ATP2A1: variants seen among roughly 807,000 people sequenced by gnomAD.
ATP2A1 encodes ATPase sarcoplasmic/endoplasmic reticulum Ca2+ transporting 1.
In ATP2A1, 83 loss-of-function variants were observed where a neutral mutation model predicts 109.5. The observed-to-expected ratio is 0.76, with a 90% CI of 0.63 to 0.91. The LOEUF (loss-of-function observed/expected upper bound fraction) is 0.91, where lower values mean the gene tolerates loss of function less well. Among genes scored for constraint, ATP2A1 ranks in the 40% least tolerant of loss-of-function variants. The pLI, the probability that ATP2A1 is intolerant of heterozygous loss-of-function variation, is 0.00. For synonymous variants in ATP2A1, 505 were observed against 537.6 expected (o/e 0.94, Z 0.84); for missense variants, 1,101 against 1,341.0 (o/e 0.82, Z 2.80).
intron 9 of ATP2A1, among the ~76,000 whole-genome samples, chr16:28,891,321 G>A (rs988656899): frequency 1.4e-4 from 21 of 149,920 alleles, no homozygotes; most frequent in South Asian, 1.1e-3. Context: ...AAGACCTGAC[G>A]CAGTGGCTCA....
rs2152196860 is a variant in ATP2A1 at position 28,879,562 on chromosome 16, C to G, written c.198C>G (p.Leu66=). 1 of 1,614,178 alleles carries G rather than the reference C, an allele frequency of 6.2e-7. No individual in the cohort carries two copies. Among genetic ancestry groups the G allele is most frequent in the Non-Finnish European group, 8.5e-7 (1 of 1,180,008 alleles). The change falls in exon 3 of 23, where the codon CTC becomes CTG. Residue 66 remains leucine (L), a synonymous_variant. Transcript: ENST00000395503. ...AAGACCTCCTGGTGCGGATTCTCCTCCTGGCCGCATGCATTTCCTTCGTAA... is the reference window on the plus strand; with the variant it reads ...AAGACCTCCTGGTGCGGATTCTCCTGCTGGCCGCATGCATTTCCTTCGTAA... The part of the protein sequence containing the change: ...QFEDLLVRIL[L]LAACISFVLA...
rs1963686396 is a variant in ATP2A1 at position 28,888,709 on chromosome 16, GCTA to G, written c.929-74_929-72del. 10 of 1,528,330 alleles carry G rather than the reference GCTA, an allele frequency of 6.5e-6. No individual in the cohort carries two copies. In the South Asian group the frequency reaches 8.3e-5, roughly 13 times the overall value. The allele number at this position is 1,528,330 out of a possible 1,614,324, so 94.7% of individuals were successfully genotyped here. A position where few individuals can be genotyped will look rare whatever the true frequency, so the allele number is the denominator to read the frequency against. On this transcript the variant is annotated intron_variant, in intron 8 of 22. Coordinates refer to ENST00000395503, the MANE Select transcript of ATP2A1 (RefSeq NM_004320.6). ...TGTGCACCAACGTGCCCAGCTGGGGGCTACTATTTAGCCCCTTGCAGGTTCCCT... is the reference window on the plus strand; with the variant it reads ...TGTGCACCAACGTGCCCAGCTGGGGGCTATTTAGCCCCTTGCAGGTTCCCT...
chr16:28,887,893 C>T (rs112292879), intron 8 of ATP2A1, among the ~76,000 whole-genome samples, 171 bp downstream of exon 8: 19 of 152,162 alleles, frequency 1.2e-4, no homozygotes, highest in Non-Finnish European at 1.6e-4. Flanking sequence ...CTCCGCCTCG[C>T]GGGTTCACGC....
At chr16:28,897,853 C>A in intron 12 of ATP2A1, 147 bp from the exon 13 acceptor site, 1 of 1,072,342 alleles carries the variant, frequency 9.3e-7, no homozygotes, top group African/African-American at 1.6e-5. Flanking sequence ...AGCACTGTGG[C>A]AACACTAGCC....
chr16:28,903,749 C>G lies in ATP2A1; in HGVS notation c.*37+8C>G. On this transcript the variant is annotated splice_region_variant and intron_variant, in intron 22 of 22. Coordinates refer to ENST00000395503, the MANE Select transcript of ATP2A1 (RefSeq NM_004320.6). The surrounding 1 kb of genome is among the most constrained non-coding windows in gnomAD (Gnocchi z 5.6). ...TCTGAGCCCGTGTCACAGGTATCAC[C>G]CCCTTCTTGCCCTCAGCCCAGCTGC... 6.2e-7 allele frequency: 1 copy of G among 1,612,890 alleles called. No homozygotes were observed. The highest frequency in any genetic ancestry group is 8.5e-7 in the Non-Finnish European group (1 of 1,178,928).
rs1963447027 is a variant in ATP2A1 at position 28,880,775 on chromosome 16, A to G, written c.220-140A>G. On this transcript the variant is annotated intron_variant, in intron 3 of 22. Coordinates refer to ENST00000395503, the MANE Select transcript of ATP2A1 (RefSeq NM_004320.6). The surrounding 1 kb of genome is among the most constrained non-coding windows in gnomAD (Gnocchi z 4.2). ...CAGACCCTCAGACGGATGTGGGGCC[A>G]CAGCGCCCCGACGGTGCCCGGCCCT... 8.7e-6 allele frequency: 7 copies of G among 800,686 alleles called. No individual in the cohort carries two copies. Among genetic ancestry groups the G allele is most frequent in the Non-Finnish European group, 1.5e-5 (7 of 463,610 alleles). 49.6% of individuals were successfully genotyped at this position (800,686 alleles called of 1,614,324 possible).
In ATP2A1 at chr16:28,880,975, A is replaced by C; in HGVS notation, c.280A>C (p.Ile94Leu). Residue 94 changes from isoleucine to leucine, a missense_variant, in exon 4 of 23, where the codon ATC (isoleucine) becomes CTC (leucine). Transcript: ENST00000395503. This position sits in a 1 kb window ranked among gnomAD's most constrained non-coding sequence, Gnocchi z 4.2. ...CACTGCCTTTGTTGAACCCTTTGTC[A>C]TCCTCTTGATCCTCATTGCCAATGC... is the stretch of plus-strand genomic sequence containing the variant. ...TITAFVEPFV[I>L]LLILIANAIV... 6.2e-7 allele frequency: 1 copy of C among 1,614,128 alleles called. No individual in the cohort carries two copies. Among genetic ancestry groups the C allele is most frequent in the Non-Finnish European group, 8.5e-7 (1 of 1,180,004 alleles).
At chr16:28,879,194 C>G in intron 2 of ATP2A1, 78 bp downstream of exon 2, 1 of 1,528,030 alleles carries the variant, frequency 6.5e-7, no homozygotes, top group Non-Finnish European at 9.1e-7. Context: ...CTCCCTGCCT[C>G]TTTAGATTCT....
chr16:28,888,006 T>G (rs1394896870), intron 8 of ATP2A1, among the ~76,000 whole-genome samples: 3 of 151,832 alleles, frequency 2.0e-5, no homozygotes, highest in Non-Finnish European at 2.9e-5. Flanking sequence ...TTTCACCGTG[T>G]TAGCCAGGAT....
At position 28,887,193 on chromosome 16, in the gene ATP2A1, G is replaced by A. The variant is rs1271060972; in HGVS notation, c.549G>A (p.Glu183=). Residue 183 remains glutamate (E), a synonymous_variant, in exon 7 of 23, where the codon GAG becomes GAA. Transcript: ENST00000395503. The part of the protein sequence containing the change: ...LRVDQSILTG[E]SVSVIKHTEP... ...CCCTTGGCCCCTTCTCCACAGGCGA[G>A]TCTGTATCTGTCATCAAACACACGG... 8.1e-6 allele frequency: 13 copies of A among 1,613,770 alleles called. No homozygotes were observed. The highest frequency in any genetic ancestry group is 1.1e-5 in the Non-Finnish European group (13 of 1,180,014).
Position 28,882,624 on chromosome 16 carries a change from G to C in ATP2A1, c.463+35G>C, listed in dbSNP as rs1037256417. ...AGGGACGGCTGGTCCAGGATGGGAG[G>C]CCTTGGGGCTGAGGCCTAGGAGATG... On this transcript the variant is annotated intron_variant, in intron 5 of 22. Transcript: ENST00000395503. 19 of 1,612,412 alleles carry C rather than the reference G, an allele frequency of 1.2e-5. No homozygotes were observed. The Admixed American group carries it at 2.0e-4, about 17-fold the overall frequency.
intron 11 of ATP2A1, 49 bp downstream of exon 11, chr16:28,894,656 G>A (rs745636702): frequency 1.6e-5 from 26 of 1,605,018 alleles, no homozygotes; most frequent in African/African-American, 1.1e-4. Flanking sequence ...GGCCTCCTCC[G>A]AAGGCCAGGA....
Position 28,894,144 on chromosome 16 carries a change from C to T in ATP2A1, c.1096-11C>T, listed in dbSNP as rs200488590. On this transcript the variant is annotated splice_polypyrimidine_tract_variant and intron_variant, in intron 9 of 22. Coordinates refer to ENST00000395503, the MANE Select transcript of ATP2A1 (RefSeq NM_004320.6). ...GGTGGACATCTGTGTGCCTGCCCTT[C>T]TCCCCTGCAGATGTTTATCATTGAC... 3.0e-5 allele frequency: 49 copies of T among 1,612,950 alleles called. No individual in the cohort carries two copies. The highest frequency in any genetic ancestry group is 3.3e-4 in the Middle Eastern group (2 of 6,082).
chr16:28,903,181 A>G lies in ATP2A1; in HGVS notation c.2862+34A>G, dbSNP rs1287936128. 5.0e-6 allele frequency: 8 copies of G among 1,606,994 alleles called. No homozygotes were observed. The highest frequency in any genetic ancestry group is 6.0e-6 in the Non-Finnish European group (7 of 1,174,524). ...TCTTCCGCCCAGGGCCGCCCACCCC[A>G]GCACTGGGGAGCCCACGGCGGGCCC... On this transcript the variant is annotated intron_variant, in intron 20 of 22. Coordinates refer to ENST00000395503, the MANE Select transcript of ATP2A1 (RefSeq NM_004320.6). This position sits in a 1 kb window ranked among gnomAD's most constrained non-coding sequence, Gnocchi z 5.6.
At chr16:28,890,894 C>G (rs1264640785) in intron 9 of ATP2A1, among the ~76,000 whole-genome samples, 2 of 151,978 alleles carry the variant, frequency 1.3e-5, no homozygotes, top group Non-Finnish European at 2.9e-5. Context: ...CCATGTTGAC[C>G]AGGCTGGTCT....
chr16:28,879,323 C>A (rs1963380456), intron 2 of ATP2A1, 178 bp from the exon 3 acceptor site: 4 of 837,702 alleles, frequency 4.8e-6, no homozygotes, highest in South Asian at 1.5e-5. Context: ...AACTGCCCCC[C>A]ACTTTGCCGA....
At chr16:28,884,495 C>G (rs1166376262) in intron 5 of ATP2A1, 80 bp from the exon 6 acceptor site, 1 of 1,347,300 alleles carries the variant, frequency 7.4e-7, no homozygotes. Context: ...GAGAACGAGT[C>G]AGACACAGAT....
chr16:28,903,942 T>G lies in ATP2A1; in HGVS notation c.*37+201T>G, dbSNP rs1964169167. 1.4e-6 allele frequency: 1 copy of G among 726,062 alleles called. No homozygotes were observed. The highest frequency in any genetic ancestry group is 1.7e-5 in the African/African-American group (1 of 57,752). The allele number at this position is 726,062 out of a possible 1,614,324, so 45.0% of individuals were successfully genotyped here. On this transcript the variant is annotated intron_variant, in intron 22 of 22. Transcript: ENST00000395503. The surrounding 1 kb of genome is among the most constrained non-coding windows in gnomAD (Gnocchi z 5.6). ...AGTTTGGCTCCCAGGCCCTGGGCAG[T>G]GCCAGCCTCTGGGCCCGTCTGCTGC...
At chr16:28,882,651 C>A in intron 5 of ATP2A1, 62 bp downstream of exon 5, 1 of 1,599,724 alleles carries the variant, frequency 6.3e-7, no homozygotes, top group South Asian at 1.1e-5. Context: ...TAGGAGATGC[C>A]GGGGGCTGGT....
Sources: gnomAD v4.1 joint callset for allele counts (sites outside exome capture counted in the v4.1 genomes callset) on GRCh38, gnomAD v4.1.1 for gene constraint, Gnocchi (gnomAD v3.1) non-coding constraint, MANE v1.5 for transcripts, NCBI Gene and HGNC (gene_info 2026-07-23, HGNC 2026-07-21) for gene names.